ZNF318: variants seen among roughly 807,000 people sequenced by gnomAD.
ZNF318 encodes endocrine regulator.
ZNF318 carries 51 observed loss-of-function variants against 124.2 expected under a neutral mutation model. The ratio of observed to expected loss-of-function variants is 0.41; its 90% confidence interval spans 0.33 to 0.52. ZNF318 has a LOEUF of 0.52. ZNF318 is among the 20% of genes least tolerant of loss of function. ZNF318 has a pLI of 0.23. For missense variants in ZNF318, 2,815 were observed against 2,811.2 expected, an observed-to-expected ratio of 1.00 and a Z score of -0.03; for synonymous variants, 1,090 against 1,040.7, an observed-to-expected ratio of 1.05 and a Z score of -0.91.
intron 2 of ZNF318, among the ~76,000 whole-genome samples, chr6:43,359,714 T>C (rs140232690): frequency 9.8e-5 from 15 of 152,316 alleles, no homozygotes; most frequent in African/African-American, 3.6e-4. Flanking sequence ...CAGCCTGCCT[T>C]TGATCAAAGT....
At chr6:43,364,257 TGCAG>T in intron 2 of ZNF318, 1 of 574,148 alleles carries the variant, frequency 1.7e-6, no homozygotes, top group Non-Finnish European at 3.1e-6. Flanking sequence ...AGAGTCTCTG[TGCAG>T]AGGACGTAGG....
At chr6:43,340,563 G>A (rs1779360903) in intron 9 of ZNF318, 61 bp from the exon 10 acceptor site, 1 of 1,511,148 alleles carries the variant, frequency 6.6e-7, no homozygotes, top group African/African-American at 1.4e-5. Flanking sequence ...AAAAATCTTG[G>A]CCCCGCTACT....
At chr6:43,363,874 G>C in intron 2 of ZNF318, 1 of 738,214 alleles carries the variant, frequency 1.4e-6, no homozygotes. Context: ...CACCTGCGGG[G>C]CCATCATCCT....
In ZNF318 at chr6:43,339,076, T is replaced by G; in HGVS notation, c.4922A>C (p.Asn1641Thr). The change falls in exon 10 of 10, where the codon AAC (asparagine) becomes ACC (threonine). Residue 1641 changes from asparagine to threonine, a missense_variant. Transcript: ENST00000361428. The surrounding 1 kb of genome is among the most constrained non-coding windows in gnomAD (Gnocchi z 4.2). ...EGLVAAPIVS[N>T]SEKPIAKTLV... ...AGTTTTTGCAATGGGCTTTTCAGAG[T>G]TGCTAACTATAGGAGCAGCGACCAA... 6.2e-7 allele frequency: 1 copy of G among 1,614,148 alleles called. No homozygotes were observed. The highest frequency in any genetic ancestry group is 1.1e-5 in the South Asian group (1 of 91,080).
intron 2 of ZNF318, among the ~76,000 whole-genome samples, chr6:43,360,507 A>G (rs1403029243): frequency 1.3e-5 from 2 of 152,230 alleles, no homozygotes; most frequent in Admixed American, 1.3e-4. Context: ...ATTTAAAAAA[A>G]CTGATTGTTG....
intron 5 of ZNF318, among the ~76,000 whole-genome samples, 197 bp downstream of exon 5, chr6:43,352,180 T>TCACCCCCAC (rs61631098): frequency 2.1e-5 from 3 of 145,094 alleles, no homozygotes; most frequent in Admixed American, 6.8e-5. Context: ...ATCATCATCA[T>TCACCCCCAC]CATCACCACC....
rs779307308 is a variant in ZNF318, at chr6:43,339,095, C to T, written c.4903G>A (p.Ala1635Thr). Reference sequence around the variant, plus strand: ...TCAGAGTTGCTAACTATAGGAGCAGCGACCAAACCCTCATCTTGATGCAAC... The same window carrying T: ...TCAGAGTTGCTAACTATAGGAGCAGTGACCAAACCCTCATCTTGATGCAAC... ...EELHQDEGLV[A>T]APIVSNSEKP... The change falls in exon 10 of 10, where the codon GCT (alanine) becomes ACT (threonine). Residue 1635 changes from alanine to threonine, a missense_variant. Around this residue, in one of 4 missense-constraint regions of ZNF318, gnomAD observed 927 missense variants for 820.6 expected, o/e 1.13. Transcript: ENST00000361428. This position sits in a 1 kb window ranked among gnomAD's most constrained non-coding sequence, Gnocchi z 4.2. 19 of 1,614,016 alleles carry T rather than the reference C, an allele frequency of 1.2e-5. No individual in the cohort carries two copies. Among genetic ancestry groups the T allele is most frequent in the Admixed American group, 5.0e-5 (3 of 59,996 alleles).
intron 1 of ZNF318, among the ~76,000 whole-genome samples, chr6:43,366,588 G>A (rs1779764292): frequency 6.6e-6 from 1 of 152,160 alleles, no homozygotes; most frequent in Non-Finnish European, 1.5e-5. Flanking sequence ...CTTGAGGCCA[G>A]GAGTTTGAGA....
rs553578314 is a variant in ZNF318, at chr6:43,355,664, C to T, written c.1670G>A (p.Ser557Asn). 1.2e-6 allele frequency: 2 copies of T among 1,614,106 alleles called. No homozygotes were observed. The highest frequency in any genetic ancestry group is 1.3e-5 in the African/African-American group (1 of 74,936). The change falls in exon 4 of 10, where the codon AGC (serine) becomes AAC (asparagine). Residue 557 changes from serine (S) to asparagine (N), a missense_variant. Ser to Asn is a conservative substitution (Grantham distance 46). Transcript: ENST00000361428. ...KAESVPKPLG[S>N]SESEVMRQKA... The stretch of plus-strand genomic sequence containing the variant: ...CTGCCTCATAACTTCACTCTCAGAG[C>T]TCCCAAGGGGCTTTGGTACGGATTC...
chr6:43,351,356 T>A (rs1208472373), intron 5 of ZNF318, among the ~76,000 whole-genome samples: 2 of 152,264 alleles, frequency 1.3e-5, no homozygotes, highest in Non-Finnish European at 2.9e-5. Context: ...ACTGTATCAC[T>A]GCTAATATCC....
chr6:43,342,253 A>G (rs1779381372), intron 7 of ZNF318, 42 bp from the exon 8 acceptor site: 1 of 1,486,338 alleles, frequency 6.7e-7, no homozygotes, highest in South Asian at 1.2e-5. Flanking sequence ...CAGCACTAAA[A>G]GCTCAATGAC....
At chr6:43,342,547 G>T in intron 7 of ZNF318, 129 bp downstream of exon 7, 1 of 970,698 alleles carries the variant, frequency 1.0e-6, no homozygotes, top group South Asian at 1.6e-5. Context: ...GGTGTCTCTT[G>T]GCTCTTCAGA....
intron 6 of ZNF318, among the ~76,000 whole-genome samples, chr6:43,345,606 C>A (rs138186661): frequency 6.6e-6 from 1 of 152,078 alleles, no homozygotes; most frequent in Non-Finnish European, 1.5e-5. Context: ...CATCAAAGGC[C>A]CTACCTAGAC....
chr6:43,355,250 T>C lies in ZNF318; in HGVS notation c.2084A>G (p.His695Arg), dbSNP rs1049243931. Residue 695 changes from histidine to arginine, a missense_variant, in exon 4 of 10, where the codon CAC becomes CGC. Transcript: ENST00000361428. ...NTHSPEVSHP[H>R]PPSPVDPYLL... ...GTAAGGATCCACAGGAGAAGGTGGG[T>C]GTGGATGGGACACCTCTGGAGAGTG... The C allele has an allele frequency of 1.2e-6, 2 of 1,614,026 alleles. No individual in the cohort carries two copies. Among genetic ancestry groups the C allele is most frequent in the South Asian group, 2.2e-5 (2 of 91,082 alleles).
intron 6 of ZNF318, among the ~76,000 whole-genome samples, chr6:43,343,304 G>T (rs996989163): frequency 6.6e-6 from 1 of 152,042 alleles, no homozygotes; most frequent in Non-Finnish European, 1.5e-5. Flanking sequence ...AGGGAGGGAA[G>T]AAAAACCAAT....
At chr6:43,366,729 G>A (rs1779765947) in intron 1 of ZNF318, among the ~76,000 whole-genome samples, 1 of 152,160 alleles carries the variant, frequency 6.6e-6, no homozygotes, top group African/African-American at 2.4e-5. Context: ...TCGCTTGAGC[G>A]TGGGAGTTTG....
At chr6:43,352,258 A>AGAGTACCTGAGAATTCT (rs1554194966) in intron 5 of ZNF318, 119 bp downstream of exon 5, 682 of 742,020 alleles carry the variant, frequency 9.2e-4, no homozygotes, top group Non-Finnish European at 1.1e-3. Flanking sequence ...TGTAAGTTTA[A>AGAGTACCTGAGAATTCT]TTACGTCAAA....
rs1779624992 is a variant in ZNF318 at position 43,357,446 on chromosome 6, G to C, written c.868C>G (p.Pro290Ala). ...TTGCGAGTTCCTGATGTAAAACTTG[G>C]GTGATCCCCTCCCATGCTGTTTATC... is the stretch of plus-strand genomic sequence containing the variant. The part of the protein sequence containing the change: ...VKINSMGGDH[P>A]SFTSGTRNYR... The change falls in exon 3 of 10, where the codon CCA (proline) becomes GCA (alanine). Residue 290 changes from proline to alanine, a missense_variant. Pro to Ala is a conservative substitution (Grantham distance 27). Around this residue, in one of 4 missense-constraint regions of ZNF318, gnomAD observed 1,377 missense variants for 1,353.5 expected, o/e 1.02. Transcript: ENST00000361428. 6.2e-7 allele frequency: 1 copy of C among 1,614,088 alleles called. No individual in the cohort carries two copies. Among genetic ancestry groups the C allele is most frequent in the Non-Finnish European group, 8.5e-7 (1 of 1,180,016 alleles).
intron 1 of ZNF318, among the ~76,000 whole-genome samples, chr6:43,368,345 G>A (rs1035117449): frequency 1.3e-5 from 2 of 152,282 alleles, no homozygotes; most frequent in Non-Finnish European, 1.5e-5. Context: ...TCACTTCAAA[G>A]ACTTGTGAGG....
Sources: gnomAD v4.1 joint callset for allele counts (sites outside exome capture counted in the v4.1 genomes callset) on GRCh38, gnomAD v4.1.1 for gene constraint, gnomAD v4.1.1 regional missense constraint, Gnocchi (gnomAD v3.1) non-coding constraint, MANE v1.5 for transcripts, NCBI Gene and HGNC (gene_info 2026-07-23, HGNC 2026-07-21) for gene names.